Variants in PALM2AKAP2 observed in about 807,000 individuals in gnomAD.
PALM2AKAP2 encodes the protein PALM2-AKAP2 fusion protein.
A neutral mutation model predicts 71.5 loss-of-function variants in PALM2AKAP2; 37 were observed. That is an observed-to-expected ratio of 0.52 (90% CI 0.40 to 0.68). The LOEUF is 0.68. Among genes scored for constraint, PALM2AKAP2 ranks in the 30% least tolerant of loss-of-function variants. PALM2AKAP2 has a pLI of 0.00. For missense variants in PALM2AKAP2, 1,224 were observed against 1,191.8 expected (o/e 1.03, Z -0.40); for synonymous variants, 468 against 478.8 (o/e 0.98, Z 0.29).
intron 1 of PALM2AKAP2, among the ~76,000 whole-genome samples, chr9:109,741,467 A>T (rs1828714762): frequency 6.6e-6 from 1 of 152,342 alleles, no homozygotes; most frequent in East Asian, 1.9e-4. Context: ...TCTCTTGGGT[A>T]CATACCTAGG....
chr9:109,810,932 C>G (rs1827711806), intron 1 of PALM2AKAP2, among the ~76,000 whole-genome samples: 1 of 152,004 alleles, frequency 6.6e-6, no homozygotes, highest in South Asian at 2.1e-4. Flanking sequence ...TGTGGATGAA[C>G]CTTCTGACTG....
chr9:110,126,466 T>C (rs1340138752), intron 1 of PALM2AKAP2, among the ~76,000 whole-genome samples: 1 of 152,232 alleles, frequency 6.6e-6, no homozygotes, highest in Non-Finnish European at 1.5e-5. Flanking sequence ...GTTCCCTCTG[T>C]GGCCTTGAGC....
At chr9:109,917,488 T>G (rs1470863908) in intron 3 of PALM2AKAP2, among the ~76,000 whole-genome samples, 1 of 146,386 alleles carries the variant, frequency 6.8e-6, no homozygotes, top group Non-Finnish European at 1.5e-5. Context: ...CCTTTCCTTT[T>G]TTTTTTTTTT....
At chr9:109,784,724 G>A (rs968795294) in intron 1 of PALM2AKAP2, among the ~76,000 whole-genome samples, 3 of 152,228 alleles carry the variant, frequency 2.0e-5, no homozygotes, top group East Asian at 1.9e-4. Flanking sequence ...AATGCTGCCC[G>A]CAGCAGGCCA....
chr9:109,706,195 G>A (rs531876161), intron 1 of PALM2AKAP2, among the ~76,000 whole-genome samples: 5 of 152,298 alleles, frequency 3.3e-5, no homozygotes, highest in East Asian at 1.9e-4. Context: ...TAAAAAGGCT[G>A]TATTGCAGTT....
At chr9:110,024,023 T>C (rs566858643) in intron 7 of PALM2AKAP2, among the ~76,000 whole-genome samples, 2 of 152,212 alleles carry the variant, frequency 1.3e-5, no homozygotes, top group Non-Finnish European at 2.9e-5. Flanking sequence ...TGCTACAATA[T>C]CATTTCCGTA....
At chr9:109,790,163 C>T (rs1392024958) in intron 1 of PALM2AKAP2, among the ~76,000 whole-genome samples, 4 of 152,190 alleles carry the variant, frequency 2.6e-5, no homozygotes, top group African/African-American at 9.6e-5. Context: ...CGTCGGAACA[C>T]ATCTTCCTGT....
chr9:109,746,965 C>CATG (rs1436290012), intron 1 of PALM2AKAP2, among the ~76,000 whole-genome samples: 4 of 152,094 alleles, frequency 2.6e-5, no homozygotes. Flanking sequence ...ATGAGAAAGG[C>CATG]ATGGAGTAGA....
chr9:109,712,782 G>A (rs1233414631), intron 1 of PALM2AKAP2, among the ~76,000 whole-genome samples: 1 of 152,138 alleles, frequency 6.6e-6, no homozygotes, highest in African/African-American at 2.4e-5. Flanking sequence ...CCATTTAGGT[G>A]GTCTCCAGCC....
intron 1 of PALM2AKAP2, among the ~76,000 whole-genome samples, chr9:109,781,613 C>T (rs1826802441): frequency 6.6e-6 from 1 of 152,064 alleles, no homozygotes; most frequent in Non-Finnish European, 1.5e-5. Flanking sequence ...GCACACAGAC[C>T]CTTCCTTTTT....
intron 2 of PALM2AKAP2, among the ~76,000 whole-genome samples, chr9:110,144,616 A>G (rs1836117759): frequency 6.6e-6 from 1 of 152,240 alleles, no homozygotes; most frequent in Non-Finnish European, 1.5e-5. Flanking sequence ...TACAATGAAC[A>G]TACTATTATT....
chr9:109,837,355 C>G (rs1233029666), intron 1 of PALM2AKAP2, among the ~76,000 whole-genome samples: 5 of 152,114 alleles, frequency 3.3e-5, no homozygotes, highest in African/African-American at 1.2e-4. Context: ...ACCAGGCCTG[C>G]CCTAAAAGAG....
intron 7 of PALM2AKAP2, among the ~76,000 whole-genome samples, chr9:110,032,966 G>A (rs1469172223): frequency 7.2e-5 from 11 of 151,870 alleles, no homozygotes; most frequent in African/African-American, 1.7e-4. Context: ...ATTGAATGTC[G>A]TATTATATGT....
chr9:109,764,153 A>T (rs1170878590), intron 1 of PALM2AKAP2, among the ~76,000 whole-genome samples: 2 of 152,134 alleles, frequency 1.3e-5, no homozygotes, highest in Non-Finnish European at 2.9e-5. Context: ...TTCACACAGC[A>T]ACCCATTCTC....
intron 6 of PALM2AKAP2, 104 bp from the exon 7 acceptor site, chr9:110,015,850 C>A: frequency 9.4e-7 from 1 of 1,068,614 alleles, no homozygotes; most frequent in South Asian, 1.4e-5. Context: ...TCATCATCAG[C>A]TCCCTTTACA....
At chr9:109,736,359 T>C (rs1828635545) in intron 1 of PALM2AKAP2, among the ~76,000 whole-genome samples, 1 of 152,186 alleles carries the variant, frequency 6.6e-6, no homozygotes, top group Non-Finnish European at 1.5e-5. Flanking sequence ...GATGATTTAT[T>C]GGAAGACATG....
chr9:109,930,671 G>A (rs774119255), intron 5 of PALM2AKAP2, among the ~76,000 whole-genome samples: 1 of 152,220 alleles, frequency 6.6e-6, no homozygotes, highest in Non-Finnish European at 1.5e-5. Flanking sequence ...TCCAGTGTGT[G>A]TTTGCAATCC....
chr9:110,169,857 C>T (rs1328399775), exon 4 of PALM2AKAP2: 3 of 152,286 alleles, frequency 2.0e-5, no homozygotes, highest in African/African-American at 7.3e-5. Context: ...GACCGTGGCA[C>T]TTGGGTGTAC....
At chr9:110,155,486 T>C (rs940596202) in intron 2 of PALM2AKAP2, among the ~76,000 whole-genome samples, 5 of 152,186 alleles carry the variant, frequency 3.3e-5, no homozygotes, top group African/African-American at 9.7e-5. Context: ...GAAATGGTCT[T>C]GGTGAGGGTG....
Sources: gnomAD v4.1 joint callset for allele counts (sites outside exome capture counted in the v4.1 genomes callset) on GRCh38, gnomAD v4.1.1 for gene constraint, MANE v1.5 for transcripts, NCBI Gene and HGNC (gene_info 2026-07-23, HGNC 2026-07-21) for gene names.